Variants in CSNK1A1 observed in about 807,000 individuals in gnomAD.
The protein encoded by CSNK1A1 is casein kinase I isoform alpha.
In CSNK1A1, 7 loss-of-function variants were observed where a neutral mutation model predicts 46.1. The observed-to-expected ratio is 0.15, with a 90% CI of 0.09 to 0.29. CSNK1A1 has a LOEUF of 0.29. Ranked by LOEUF, CSNK1A1 falls within the 10% of genes least tolerant of loss-of-function variation. The pLI is 1.00. For missense variants in CSNK1A1, 96 were observed against 417.1 expected, an observed-to-expected ratio of 0.23 and a Z score of 6.71; for synonymous variants, 137 against 141.5, an observed-to-expected ratio of 0.97 and a Z score of 0.23.
chr5:149,537,911 T>G (rs1183533658), intron 2 of CSNK1A1, among the ~76,000 whole-genome samples: 1 of 151,418 alleles, frequency 6.6e-6, no homozygotes, highest in Non-Finnish European at 1.5e-5. Context: ...CTTCCTAATT[T>G]TCAGCAGGAG....
chr5:149,548,648 G>A (rs751221423), intron 2 of CSNK1A1, among the ~76,000 whole-genome samples: 11 of 152,166 alleles, frequency 7.2e-5, no homozygotes, highest in Non-Finnish European at 1.3e-4. Flanking sequence ...ATCACCTGAG[G>A]TCAGGAGTTC....
At chr5:149,534,482 C>CAAAAAAAAAAAAAAAAAAAAAAAAAA (rs10597922) in intron 2 of CSNK1A1, among the ~76,000 whole-genome samples, 6 of 94,986 alleles carry the variant, frequency 6.3e-5, no homozygotes, top group African/African-American at 2.5e-4. Flanking sequence ...GACTCTGTCT[C>CAAAAAAAAAAAAAAAAAAAAAAAAAA]AAAAAAAAAA....
At chr5:149,521,270 CTTTTTTTTT>C (rs909460651) in intron 3 of CSNK1A1, among the ~76,000 whole-genome samples, 35 of 123,950 alleles carry the variant, frequency 2.8e-4, no homozygotes, top group Non-Finnish European at 3.5e-5. Context: ...ATTTACTCTT[CTTTTTTTTT>C]TTTTTTTTTT....
At position 149,517,835 on chromosome 5, in the gene CSNK1A1, C is replaced by G; in HGVS notation, c.456+2455G>C. ...AAAGATGGGTCCTGAGAAGTACTAACAGTCATGCTTCTTTTCCTCTTCCCC... is the reference window on the plus strand; with the variant it reads ...AAAGATGGGTCCTGAGAAGTACTAAGAGTCATGCTTCTTTTCCTCTTCCCC... On this transcript the variant is annotated intron_variant, in intron 4 of 9. Transcript: ENST00000377843. The surrounding 1 kb of genome is among the most constrained non-coding windows in gnomAD (Gnocchi z 4.4). The G allele has an allele frequency of 6.2e-7, 1 of 1,606,624 alleles. No homozygotes were observed.
At chr5:149,508,195 G>A (rs1006906395) in intron 7 of CSNK1A1, among the ~76,000 whole-genome samples, 1 of 152,164 alleles carries the variant, frequency 6.6e-6, no homozygotes, top group Non-Finnish European at 1.5e-5. Context: ...GAGTTAGGAA[G>A]GATAGAATGG....
In CSNK1A1 at chr5:149,517,943, G is replaced by A. The variant is rs193072884; in HGVS notation, c.456+2347C>T. ...TGCTTACATTGCAACAATGGCCGGC[G>A]CAGACAGGCAACACCGAGGCATTAG... On this transcript the variant is annotated intron_variant, in intron 4 of 9. Transcript: ENST00000377843. This position sits in a 1 kb window ranked among gnomAD's most constrained non-coding sequence, Gnocchi z 4.4. The A allele has an allele frequency of 6.1e-6, 6 of 987,590 alleles. No individual in the cohort carries two copies. Among genetic ancestry groups the A allele is most frequent in the Admixed American group, 2.0e-5 (1 of 49,920 alleles). The allele number at this position is 987,590 out of a possible 1,614,324, so 61.2% of individuals were successfully genotyped here. A position where few individuals can be genotyped will look rare whatever the true frequency, so the allele number is the denominator to read the frequency against.
At chr5:149,523,109 C>T (rs370580993) in intron 3 of CSNK1A1, among the ~76,000 whole-genome samples, 29 of 147,590 alleles carry the variant, frequency 2.0e-4, no homozygotes, top group Non-Finnish European at 3.3e-4. Context: ...GGTGCGATCT[C>T]GGCTCACTGC....
At chr5:149,518,296 C>T (rs574556427) in intron 4 of CSNK1A1, among the ~76,000 whole-genome samples, 3 of 152,052 alleles carry the variant, frequency 2.0e-5, no homozygotes, top group Admixed American at 6.6e-5. Flanking sequence ...AATTTATTTT[C>T]GTAAGCATGC....
chr5:149,501,852 T>TAGTC (rs1760868479), intron 9 of CSNK1A1: 2 of 973,634 alleles, frequency 2.1e-6, no homozygotes, highest in South Asian at 9.5e-5. Flanking sequence ...TAATCACATA[T>TAGTC]AGTCAAAGGG....
At chr5:149,519,576 C>T (rs920100685) in intron 4 of CSNK1A1, among the ~76,000 whole-genome samples, 1 of 152,096 alleles carries the variant, frequency 6.6e-6, no homozygotes, top group Admixed American at 6.6e-5. Flanking sequence ...CAATCATGCG[C>T]CACTAGCTAA....
At chr5:149,545,795 G>C (rs996808950) in intron 2 of CSNK1A1, 4 of 566,170 alleles carry the variant, frequency 7.1e-6, no homozygotes, top group South Asian at 6.9e-5. Flanking sequence ...CGTGGACTTG[G>C]CCATGTCTGT....
intron 7 of CSNK1A1, among the ~76,000 whole-genome samples, chr5:149,507,900 T>A (rs768317164): frequency 2.6e-5 from 4 of 152,198 alleles, no homozygotes; most frequent in Non-Finnish European, 5.9e-5. Flanking sequence ...TAAGTACATC[T>A]GTGGGCATAG....
In CSNK1A1 at chr5:149,525,034, A is replaced by T; in HGVS notation, c.357+11T>A. 1 of 1,602,554 alleles carries T rather than the reference A, an allele frequency of 6.2e-7. No individual in the cohort carries two copies. Among genetic ancestry groups the T allele is most frequent in the Non-Finnish European group, 8.5e-7 (1 of 1,175,620 alleles). Reference sequence around the variant, plus strand: ...AGTCTCAGTTTATATTCTAATCAAAATTTCACATACCTGGTCAGCTAACAT... The same window carrying T: ...AGTCTCAGTTTATATTCTAATCAAATTTTCACATACCTGGTCAGCTAACAT... On this transcript the variant is annotated intron_variant, in intron 3 of 9. Transcript: ENST00000377843. The surrounding 1 kb of genome is among the most constrained non-coding windows in gnomAD (Gnocchi z 4.2).
rs1364237783 is a variant in CSNK1A1 at position 149,495,347 on chromosome 5, C to T, written c.*1506G>A. 1.3e-5 allele frequency: 2 copies of T among 152,116 alleles called. No homozygotes were observed. The highest frequency in any genetic ancestry group is 2.9e-5 in the Non-Finnish European group (2 of 68,014). 9.4% of individuals were successfully genotyped at this position (152,116 alleles called of 1,614,324 possible). A position where few individuals can be genotyped will look rare whatever the true frequency, so the allele number is the denominator to read the frequency against. On this transcript the variant is annotated 3_prime_UTR_variant, in exon 10 of 10. Transcript: ENST00000377843. The stretch of plus-strand genomic sequence containing the variant: ...ATAGGCTCCCGGCAGCATTTCCAGA[C>T]AAATGTTCTTTTAATTTATCCTGAC...
At chr5:149,502,519 T>TGGGG (rs1561751199) in intron 9 of CSNK1A1, 2 of 28,806 alleles carry the variant, frequency 6.9e-5, no homozygotes, top group Non-Finnish European at 8.5e-5. Context: ...CTTTTTTTTT[T>TGGGG]TGGGGGGGGG....
intron 2 of CSNK1A1, among the ~76,000 whole-genome samples, chr5:149,544,786 T>C (rs1762417660): frequency 7.2e-6 from 1 of 137,980 alleles, no homozygotes; most frequent in African/African-American, 2.8e-5. Context: ...AATCATGTTA[T>C]TGGTGAAGCT....
rs1561772806 is a variant in CSNK1A1 at position 149,542,670 on chromosome 5, ATG to A, written c.230+7403_230+7404del. ...TATATATATATATATATATATATAT[ATG>A]TATATATATATATATATATATTTTT... is the stretch of plus-strand genomic sequence containing the variant. On this transcript the variant is annotated intron_variant, in intron 2 of 9. Coordinates refer to ENST00000377843, the MANE Select transcript of CSNK1A1 (RefSeq NM_001892.6). 4.3e-3 allele frequency among the ~76,000 whole-genome samples: 39 copies of A among 9,086 alleles called. 4 individuals are homozygous for A. Among genetic ancestry groups the A allele is most frequent in the African/African-American group, 8.0e-3 (15 of 1,868 alleles). 6.0% of individuals were successfully genotyped at this position (9,086 alleles called of 152,430 possible).
At position 149,550,393 on chromosome 5, in the gene CSNK1A1, G is replaced by T. The variant is rs1221608332; in HGVS notation, c.124-212C>A. On this transcript the variant is annotated intron_variant, in intron 1 of 9. Transcript: ENST00000377843. The surrounding 1 kb of genome is among the most constrained non-coding windows in gnomAD (Gnocchi z 4.3). ...ACGAAATCCGTACGTCCTCTAAAGTGCAGGAAAATGATTCATCCAGAAAAA... is the reference window on the plus strand; with the variant it reads ...ACGAAATCCGTACGTCCTCTAAAGTTCAGGAAAATGATTCATCCAGAAAAA... 3.0e-6 allele frequency: 4 copies of T among 1,335,248 alleles called. No individual in the cohort carries two copies. The highest frequency in any genetic ancestry group is 3.4e-5 in the Admixed American group (1 of 29,254). The allele number at this position is 1,335,248 out of a possible 1,614,324, so 82.7% of individuals were successfully genotyped here.
intron 2 of CSNK1A1, among the ~76,000 whole-genome samples, chr5:149,528,232 A>T (rs892488438): frequency 6.6e-6 from 1 of 152,192 alleles, no homozygotes; most frequent in Admixed American, 6.5e-5. Flanking sequence ...CTATTCTCAA[A>T]GTCAGGAGGA....
Sources: allele counts gnomAD v4.1 joint callset (sites outside exome capture counted in the v4.1 genomes callset), GRCh38; gene constraint gnomAD v4.1.1; non-coding constraint Gnocchi (gnomAD v3.1); transcripts MANE v1.5; gene names NCBI Gene and HGNC (gene_info 2026-07-23, HGNC 2026-07-21).